RALGAPA2: variants seen among roughly 807,000 people sequenced by gnomAD.
RALGAPA2 encodes ral GTPase-activating protein subunit alpha-2.
A neutral mutation model predicts 230.4 loss-of-function variants in RALGAPA2; 139 were observed. That is an observed-to-expected ratio of 0.60 (90% CI 0.53 to 0.69). The LOEUF (loss-of-function observed/expected upper bound fraction) is 0.69, where lower values mean the gene tolerates loss of function less well. Among genes scored for constraint, RALGAPA2 ranks in the 30% least tolerant of loss-of-function variants. The pLI is 0.00. For missense variants in RALGAPA2, 2,163 were observed against 2,276.0 expected (o/e 0.95, Z 1.01); for synonymous variants, 847 against 837.8 (o/e 1.01, Z -0.19).
Position 20,573,027 on chromosome 20 carries a change from C to T in RALGAPA2, c.2749G>A (p.Gly917Arg), listed in dbSNP as rs566154629. The change falls in exon 21 of 40, where the codon GGG becomes AGG. Residue 917 changes from glycine to arginine, a missense_variant. By Grantham distance (125) the Gly-to-Arg change is moderately radical. Coordinates refer to ENST00000202677, the MANE Select transcript of RALGAPA2 (RefSeq NM_020343.4). ...CLTDDCSIIAGGSLTGWHPDS... is the reference protein window; with the variant it reads ...CLTDDCSIIARGSLTGWHPDS... ...GGGTGCCAACCAGTGAGGCTCCCCC[C>T]GGCGATTATACTACAGTCATCTGTG... 34 of 1,610,282 alleles carry T rather than the reference C, an allele frequency of 2.1e-5. No individual in the cohort carries two copies. Among genetic ancestry groups the T allele is most frequent in the Middle Eastern group, 1.7e-4 (1 of 6,030 alleles).
chr20:20,677,629 A>AC (rs2068377861), intron 2 of RALGAPA2, among the ~76,000 whole-genome samples: 43 of 64,286 alleles, frequency 6.7e-4, no homozygotes, highest in South Asian at 1.5e-3. Flanking sequence ...GATTTGACCC[A>AC]TTTTTTTTTT....
intron 20 of RALGAPA2, among the ~76,000 whole-genome samples, chr20:20,577,584 TCTGA>T (rs747845384): frequency 1.2e-3 from 189 of 152,174 alleles, no homozygotes; most frequent in Non-Finnish European, 2.4e-3. Context: ...TTCTGGGTTC[TCTGA>T]CTTTTATAAA....
At chr20:20,604,951 A>G (rs1174370565) in intron 15 of RALGAPA2, among the ~76,000 whole-genome samples, 1 of 152,188 alleles carries the variant, frequency 6.6e-6, no homozygotes, top group African/African-American at 2.4e-5. Context: ...TACTATTACT[A>G]CTACCTTCCT....
chr20:20,534,000 T>C (rs148190003), intron 26 of RALGAPA2, among the ~76,000 whole-genome samples: 2 of 151,940 alleles, frequency 1.3e-5, no homozygotes, highest in African/African-American at 2.4e-5. Flanking sequence ...AAATATAAAA[T>C]AGAGAAGTTG....
rs1042146561 is a variant in RALGAPA2 at position 20,515,592 on chromosome 20, C to G, written c.4085-2308G>C. Among the ~76,000 whole-genome samples the G allele has an allele frequency of 6.5e-4, 99 of 152,316 alleles. 1 individual carries two copies. The highest frequency in any genetic ancestry group is 1.1e-3 in the Non-Finnish European group (76 of 68,036). On this transcript the variant is annotated intron_variant, in intron 31 of 39. Coordinates refer to ENST00000202677, the MANE Select transcript of RALGAPA2 (RefSeq NM_020343.4). ...GTCATGGGAGAAGGCCTTAACCCTA[C>G]CCAGAGCTGGAACTGCTTAAGGGAG...
At chr20:20,592,169 C>T (rs1235215502) in intron 16 of RALGAPA2, among the ~76,000 whole-genome samples, 2 of 152,176 alleles carry the variant, frequency 1.3e-5, no homozygotes, top group African/African-American at 2.4e-5. Context: ...CTTCTTACCA[C>T]CTTCATATTT....
At position 20,419,872 on chromosome 20, in the gene RALGAPA2, G is replaced by A. The variant is rs144565225; in HGVS notation, c.5496-7724C>T. 1.5e-3 allele frequency among the ~76,000 whole-genome samples: 224 copies of A among 152,276 alleles called. 3 individuals carry two copies. Among genetic ancestry groups the A allele is most frequent in the African/African-American group, 5.3e-3 (219 of 41,554 alleles). On this transcript the variant is annotated intron_variant, in intron 37 of 39. Coordinates refer to ENST00000202677, the MANE Select transcript of RALGAPA2 (RefSeq NM_020343.4). ...AGAGATATGTATTGAGTGCCCCCCT[G>A]TGCTAGGTAATGGGCATGTAATCAA...
chr20:20,615,827 A>C (rs1289169421), intron 13 of RALGAPA2, among the ~76,000 whole-genome samples: 1 of 152,352 alleles, frequency 6.6e-6, no homozygotes, highest in Middle Eastern at 3.4e-3. Flanking sequence ...TAAAATACTT[A>C]TTGTTCAAGA....
intron 15 of RALGAPA2, among the ~76,000 whole-genome samples, chr20:20,604,471 G>A (rs2146230961): frequency 6.6e-6 from 1 of 152,296 alleles, no homozygotes; most frequent in African/African-American, 2.4e-5. Context: ...AGAGGCTGTA[G>A]AATGCATCTT....
chr20:20,461,474 A>G (rs979804341), intron 37 of RALGAPA2, among the ~76,000 whole-genome samples: 2 of 152,232 alleles, frequency 1.3e-5, no homozygotes, highest in African/African-American at 2.4e-5. Context: ...ATGTGATGAC[A>G]GTTGCCATCT....
chr20:20,467,836 C>T (rs900571315), intron 37 of RALGAPA2, among the ~76,000 whole-genome samples: 4 of 152,132 alleles, frequency 2.6e-5, no homozygotes, highest in Non-Finnish European at 5.9e-5. Context: ...TCCCCTTTTT[C>T]TTTCTCAGAG....
At chr20:20,685,373 A>G (rs2068663376) in intron 1 of RALGAPA2, among the ~76,000 whole-genome samples, 1 of 152,240 alleles carries the variant, frequency 6.6e-6, no homozygotes, top group African/African-American at 2.4e-5. Flanking sequence ...CACATGGGGA[A>G]GCTAGGAATG....
At chr20:20,676,204 T>C in intron 3 of RALGAPA2, 32 bp downstream of exon 3, 1 of 1,396,584 alleles carries the variant, frequency 7.2e-7, no homozygotes, top group Non-Finnish European at 9.8e-7. Context: ...CAACAAGAAT[T>C]ATAAAAGCTA....
Position 20,472,923 on chromosome 20 carries a change from T to C in RALGAPA2, c.5401A>G (p.Ile1801Val), listed in dbSNP as rs546466823. 14 of 1,610,946 alleles carry C rather than the reference T, an allele frequency of 8.7e-6. No homozygotes were observed. The Admixed American group carries it at 2.0e-4, about 23-fold the overall frequency. The change falls in exon 37 of 40, where the codon ATA (isoleucine) becomes GTA (valine). Residue 1801 changes from isoleucine (I) to valine (V), a missense_variant. Coordinates refer to ENST00000202677, the MANE Select transcript of RALGAPA2 (RefSeq NM_020343.4). ...CTTGGCAGCAGCTTCCCACTCACTA[T>C]GGCTCCATCAAACAGAGGCCCAAAA... is the stretch of plus-strand genomic sequence containing the variant. Reference protein sequence around the residue: ...PFFGPLFDGAIVSGKLLPSLV... With the variant: ...PFFGPLFDGAVVSGKLLPSLV...
At chr20:20,438,005 C>G (rs1455554022) in intron 37 of RALGAPA2, among the ~76,000 whole-genome samples, 1 of 152,142 alleles carries the variant, frequency 6.6e-6, no homozygotes, top group Non-Finnish European at 1.5e-5. Context: ...AAGAGTGGTT[C>G]TTAATATGGG....
chr20:20,440,660 A>T (rs1451733504), intron 37 of RALGAPA2, among the ~76,000 whole-genome samples: 1 of 152,216 alleles, frequency 6.6e-6, no homozygotes, highest in African/African-American at 2.4e-5. Context: ...CCCCGGCCAT[A>T]CTGTGCAATC....
chr20:20,411,623 C>T (rs1467137429), intron 38 of RALGAPA2, among the ~76,000 whole-genome samples: 2 of 152,152 alleles, frequency 1.3e-5, no homozygotes, highest in African/African-American at 2.4e-5. Flanking sequence ...CTTCGAATCT[C>T]GGCAGCATAA....
intron 36 of RALGAPA2, among the ~76,000 whole-genome samples, chr20:20,487,598 A>G (rs1455861598): frequency 6.6e-6 from 1 of 152,200 alleles, no homozygotes; most frequent in Non-Finnish European, 1.5e-5. Context: ...CCCCCAGGCC[A>G]GACAGGCTGT....
At chr20:20,698,457 T>C (rs1268258624) in intron 1 of RALGAPA2, among the ~76,000 whole-genome samples, 1 of 152,158 alleles carries the variant, frequency 6.6e-6, no homozygotes, top group Non-Finnish European at 1.5e-5. Flanking sequence ...TGGCACGATC[T>C]TGGCTCACTG....
Sources: gnomAD v4.1 joint callset for allele counts (sites outside exome capture counted in the v4.1 genomes callset) on GRCh38, gnomAD v4.1.1 for gene constraint, MANE v1.5 for transcripts, NCBI Gene and HGNC (gene_info 2026-07-23, HGNC 2026-07-21) for gene names.